The following HS3ST5 variants were observed in gnomAD, a reference collection of about 807,000 sequenced individuals.
The protein encoded by HS3ST5 is heparan sulfate-glucosamine 3-sulfotransferase 5.
HS3ST5 carries 10 observed loss-of-function variants against 25.4 expected under a neutral mutation model. That is an observed-to-expected ratio of 0.39 (90% CI 0.24 to 0.67). The LOEUF is 0.67. Ranked by LOEUF, HS3ST5 falls within the 30% of genes least tolerant of loss-of-function variation. The pLI is 0.44. For missense variants in HS3ST5, 324 were observed against 420.7 expected, an observed-to-expected ratio of 0.77 and a Z score of 2.01; for synonymous variants, 170 against 162.4, an observed-to-expected ratio of 1.05 and a Z score of -0.36.
intron 1 of HS3ST5, among the ~76,000 whole-genome samples, chr6:114,307,687 G>A (rs573377374): frequency 2.4e-4 from 36 of 152,104 alleles, no homozygotes; most frequent in East Asian, 7.7e-4. Flanking sequence ...ATGAATTGGC[G>A]TTTACTAGTG....
At chr6:114,237,462 G>A (rs996219216) in intron 1 of HS3ST5, among the ~76,000 whole-genome samples, 2 of 151,938 alleles carry the variant, frequency 1.3e-5, no homozygotes, top group African/African-American at 2.4e-5. Context: ...TATAAAAAGC[G>A]GTTGGATTAA....
At chr6:114,341,341 G>A (rs1776861503) in intron 1 of HS3ST5, among the ~76,000 whole-genome samples, 1 of 151,810 alleles carries the variant, frequency 6.6e-6, no homozygotes, top group African/African-American at 2.4e-5. Flanking sequence ...AAGCACTGAA[G>A]TAGGGAAGCG....
At chr6:114,077,385 G>A (rs1793037940) in intron 3 of HS3ST5, among the ~76,000 whole-genome samples, 1 of 152,136 alleles carries the variant, frequency 6.6e-6, no homozygotes, top group African/African-American at 2.4e-5. Flanking sequence ...ATAAACTAAT[G>A]TTTATCCACT....
At chr6:114,098,958 A>G (rs776044269) in intron 3 of HS3ST5, among the ~76,000 whole-genome samples, 2 of 152,160 alleles carry the variant, frequency 1.3e-5, no homozygotes, top group African/African-American at 2.4e-5. Context: ...ACTATAATGC[A>G]TGTTTTTATT....
chr6:114,331,574 A>G lies in HS3ST5; in HGVS notation c.-339+10621T>C, dbSNP rs1471695435. Among the ~76,000 whole-genome samples, 6 of 152,240 alleles carry G rather than the reference A, an allele frequency of 3.9e-5. No individual in the cohort carries two copies. The East Asian group carries it at 1.2e-3, about 29-fold the overall frequency. ...AAATATGTCAATGTCTTTAGAGAAT[A>G]GTGTATTATATTTTATATATTTTGA... On this transcript the variant is annotated intron_variant, in intron 1 of 4. Transcript: ENST00000312719.
intron 2 of HS3ST5, among the ~76,000 whole-genome samples, chr6:114,180,686 G>A (rs958424318): frequency 3.9e-5 from 6 of 152,192 alleles, no homozygotes; most frequent in Admixed American, 6.5e-5. Flanking sequence ...TTACCTTGGT[G>A]TATGATTGTG....
At chr6:114,200,672 C>T (rs568970780) in intron 2 of HS3ST5, among the ~76,000 whole-genome samples, 1 of 152,106 alleles carries the variant, frequency 6.6e-6, no homozygotes, top group East Asian at 1.9e-4. Flanking sequence ...TAAAACTGTG[C>T]ACATTTTGAG....
chr6:114,242,044 C>T (rs542700725), intron 1 of HS3ST5, among the ~76,000 whole-genome samples: 12 of 152,188 alleles, frequency 7.9e-5, no homozygotes, highest in East Asian at 3.9e-4. Context: ...GGGCAAGTGT[C>T]GGGTATCTTC....
intron 1 of HS3ST5, among the ~76,000 whole-genome samples, chr6:114,282,530 C>T (rs879437602): frequency 1.3e-5 from 2 of 151,952 alleles, no homozygotes; most frequent in African/African-American, 2.4e-5. Context: ...CCTCCATGTG[C>T]CAGCGAAGCT....
chr6:114,119,200 C>A (rs6900394), intron 3 of HS3ST5, among the ~76,000 whole-genome samples: 8,805 of 152,190 alleles, frequency 0.058, 313 homozygotes, highest in Non-Finnish European at 0.081. Context: ...GCCTGAGGGA[C>A]GATAAACAAG....
intron 1 of HS3ST5, among the ~76,000 whole-genome samples, chr6:114,293,255 GAGCACCAAGTGTTC>G (rs1174310205): frequency 6.6e-6 from 1 of 152,138 alleles, no homozygotes; most frequent in Non-Finnish European, 1.5e-5. Context: ...GCAGGAGAAA[GAGCACCAAGTGTTC>G]AGGACACAGA....
chr6:114,197,955 A>G (rs1780839854), intron 2 of HS3ST5, among the ~76,000 whole-genome samples: 1 of 152,114 alleles, frequency 6.6e-6, no homozygotes, highest in South Asian at 2.1e-4. Context: ...GAAATGTCTG[A>G]GTTGATGGAC....
chr6:114,226,630 T>C (rs1027904336), intron 2 of HS3ST5, among the ~76,000 whole-genome samples: 1 of 152,038 alleles, frequency 6.6e-6, no homozygotes, highest in Middle Eastern at 3.4e-3. Flanking sequence ...ATCAAAATGG[T>C]CCATTTCTGC....
At chr6:114,180,884 C>A (rs1378331524) in intron 2 of HS3ST5, among the ~76,000 whole-genome samples, 2 of 152,156 alleles carry the variant, frequency 1.3e-5, no homozygotes, top group African/African-American at 2.4e-5. Context: ...TCAGAGCTAA[C>A]CTATCAAGGA....
chr6:114,103,370 AT>A (rs1293155054), intron 3 of HS3ST5, among the ~76,000 whole-genome samples: 2 of 151,990 alleles, frequency 1.3e-5, no homozygotes, highest in African/African-American at 4.8e-5. Context: ...TCAACCTCTG[AT>A]TTTATGAATA....
chr6:114,214,091 A>C (rs371002323), intron 2 of HS3ST5, among the ~76,000 whole-genome samples: 2 of 152,146 alleles, frequency 1.3e-5, no homozygotes, highest in Non-Finnish European at 2.9e-5. Flanking sequence ...ATGAAGCTTT[A>C]TTTCGCCAAC....
At position 114,319,875 on chromosome 6, in the gene HS3ST5, A is replaced by G. The variant is rs138039225; in HGVS notation, c.-339+22320T>C. Among the ~76,000 whole-genome samples, 42 of 152,148 alleles carry G rather than the reference A, an allele frequency of 2.8e-4. 1 individual carries two copies. In the East Asian group the frequency reaches 3.3e-3, roughly 12 times the overall value. On this transcript the variant is annotated intron_variant, in intron 1 of 4. Transcript: ENST00000312719. The stretch of plus-strand genomic sequence containing the variant: ...ATACTATTTTTTTGTTGTTGTTGTT[A>G]GTGGCTCTACTATTATCCCAATTGG...
chr6:114,246,532 G>T (rs574594624), intron 1 of HS3ST5, among the ~76,000 whole-genome samples: 72 of 152,288 alleles, frequency 4.7e-4, no homozygotes, highest in African/African-American at 1.7e-3. Flanking sequence ...AGCTTTAAAA[G>T]ACAATAAGCT....
Position 114,108,329 on chromosome 6 carries a change from A to C in HS3ST5, c.-32-45452T>G, listed in dbSNP as rs994752619. On this transcript the variant is annotated intron_variant, in intron 3 of 4. Coordinates refer to ENST00000312719, the MANE Select transcript of HS3ST5 (RefSeq NM_153612.4). ...CCGCCTCAATAAGGTTGAAATACAGAACTAGACAGCAAAGGAACTGGCTGC... is the reference window on the plus strand; with the variant it reads ...CCGCCTCAATAAGGTTGAAATACAGCACTAGACAGCAAAGGAACTGGCTGC... Among the ~76,000 whole-genome samples, 9 of 152,224 alleles carry C rather than the reference A, an allele frequency of 5.9e-5. No individual in the cohort carries two copies. In the East Asian group the frequency reaches 1.5e-3, roughly 26 times the overall value.
Sources: allele counts gnomAD v4.1 joint callset (sites outside exome capture counted in the v4.1 genomes callset), GRCh38; gene constraint gnomAD v4.1.1; transcripts MANE v1.5; gene names NCBI Gene and HGNC (gene_info 2026-07-23, HGNC 2026-07-21).